APMAP: variants seen among roughly 807,000 people sequenced by gnomAD.
APMAP encodes the protein adipocyte plasma membrane associated protein.
APMAP carries 33 observed loss-of-function variants against 43.6 expected under a neutral mutation model. That is an observed-to-expected ratio of 0.76 (90% CI 0.57 to 1.01). The LOEUF is 1.01. Among genes scored for constraint, APMAP ranks in the 50% least tolerant of loss-of-function variants. The pLI is 0.00. For synonymous variants in APMAP, 224 were observed against 216.7 expected, an observed-to-expected ratio of 1.03 and a Z score of -0.30; for missense variants, 498 against 540.7, an observed-to-expected ratio of 0.92 and a Z score of 0.78.
At chr20:24,988,375 T>G (rs1421072753) in intron 1 of APMAP, among the ~76,000 whole-genome samples, 18 of 152,234 alleles carry the variant, frequency 1.2e-4, no homozygotes, top group Non-Finnish European at 2.5e-4. Context: ...TTTAAATACC[T>G]GGTTGCCCCT....
At chr20:24,982,833 C>CA (rs2088116782) in intron 2 of APMAP, among the ~76,000 whole-genome samples, 1 of 151,234 alleles carries the variant, frequency 6.6e-6, no homozygotes, top group Admixed American at 6.6e-5. Context: ...ATCAGGGGAC[C>CA]CCCCCCCGCC....
chr20:24,977,161 C>T (rs903992374), intron 3 of APMAP, among the ~76,000 whole-genome samples: 3 of 152,202 alleles, frequency 2.0e-5, no homozygotes, highest in Non-Finnish European at 2.9e-5. Context: ...TGAACCCTAC[C>T]GTAAACTACA....
At chr20:24,964,276 C>A in intron 8 of APMAP, 5 of 656,814 alleles carry the variant, frequency 7.6e-6, no homozygotes, top group South Asian at 6.0e-5. Context: ...GACAGCAACG[C>A]AAGCACATCT....
chr20:24,977,512 A>G lies in APMAP; in HGVS notation c.328+1255T>C, dbSNP rs2088060158. 2.6e-5 allele frequency among the ~76,000 whole-genome samples: 4 copies of G among 152,210 alleles called. No individual in the cohort carries two copies. The South Asian group carries it at 8.3e-4, about 31-fold the overall frequency. On this transcript the variant is annotated intron_variant, in intron 3 of 8. Transcript: ENST00000217456. ...CAACCTGCCAGCCAGCCCCCAGGAC[A>G]GCTTCCAAATGAGGTGGCAGAGACA...
intron 1 of APMAP, 68 bp downstream of exon 1, chr20:24,992,526 T>C (rs2088203027): frequency 1.6e-5 from 20 of 1,276,268 alleles, no homozygotes; most frequent in Non-Finnish European, 1.9e-5. Flanking sequence ...CCGTCGCCGC[T>C]GTCCAAGAGG....
Position 24,963,830 on chromosome 20 carries a change from T to C in APMAP, c.1234A>G (p.Ser412Gly). 1 of 1,614,162 alleles carries C rather than the reference T, an allele frequency of 6.2e-7. No individual in the cohort carries two copies. Among genetic ancestry groups the C allele is most frequent in the Non-Finnish European group, 8.5e-7 (1 of 1,180,026 alleles). Residue 412 changes from serine (S) to glycine (G), a missense_variant, in exon 9 of 9, where the codon AGC becomes GGC. Transcript: ENST00000217456. The part of the protein sequence containing the change: ...SFRSPFLCRL[S>G]LQAV ...TGGGAGGGCTAAACAGCCTGGAGGC[T>C]GAGTCTGCAGAGGAAGGGGGACCTG... is the stretch of plus-strand genomic sequence containing the variant.
chr20:24,976,485 C>T lies in APMAP; in HGVS notation c.328+2282G>A, dbSNP rs544247600. On this transcript the variant is annotated intron_variant, in intron 3 of 8. Transcript: ENST00000217456. Reference sequence around the variant, plus strand: ...ATCAGAGAAATGCAAATTAAAACAACGAGACACCACTATACACCTATTAAA... The same window carrying T: ...ATCAGAGAAATGCAAATTAAAACAATGAGACACCACTATACACCTATTAAA... Among the ~76,000 whole-genome samples, 15 of 152,156 alleles carry T rather than the reference C, an allele frequency of 9.9e-5. 1 individual carries two copies. The South Asian group carries it at 1.2e-3, about 13-fold the overall frequency.
intron 1 of APMAP, among the ~76,000 whole-genome samples, chr20:24,991,411 A>T (rs1214966038): frequency 6.6e-6 from 1 of 152,230 alleles, no homozygotes; most frequent in Non-Finnish European, 1.5e-5. Context: ...AGTCCAGGGC[A>T]ACGCAGGATG....
intron 8 of APMAP, among the ~76,000 whole-genome samples, chr20:24,968,451 C>T (rs1213623614): frequency 6.6e-6 from 1 of 152,132 alleles, no homozygotes; most frequent in African/African-American, 2.4e-5. Flanking sequence ...GTGGCCACAC[C>T]TGCAGGGAGG....
At chr20:24,971,912 T>G (rs1250732437) in intron 4 of APMAP, among the ~76,000 whole-genome samples, 1 of 144,282 alleles carries the variant, frequency 6.9e-6, no homozygotes, top group Non-Finnish European at 1.5e-5. Flanking sequence ...CAGGTGCTTA[T>G]TGCAGGGTGT....
At chr20:24,969,156 C>A in intron 7 of APMAP, 72 bp from the exon 8 acceptor site, 1 of 1,395,720 alleles carries the variant, frequency 7.2e-7, no homozygotes, top group Non-Finnish European at 9.7e-7. Flanking sequence ...AGCCAAGCAC[C>A]AAACTGGTCT....
intron 8 of APMAP, 110 bp downstream of exon 8, chr20:24,968,782 T>G: frequency 2.7e-6 from 3 of 1,102,026 alleles, no homozygotes; most frequent in Non-Finnish European, 3.8e-6. Flanking sequence ...TAAGTGTCAT[T>G]CAGAGCCAAA....
At chr20:24,968,571 C>T (rs1415106652) in intron 8 of APMAP, among the ~76,000 whole-genome samples, 3 of 151,856 alleles carry the variant, frequency 2.0e-5, no homozygotes, top group South Asian at 2.1e-4. Flanking sequence ...CTGACAGGCA[C>T]GCAGATGCCC....
rs1555845623 is a variant in APMAP at position 24,978,747 on chromosome 20, C to CT, written c.328+19_328+20insA. The CT allele has an allele frequency of 4.6e-6, 6 of 1,312,710 alleles. No homozygotes were observed. Among genetic ancestry groups the CT allele is most frequent in the Non-Finnish European group, 6.4e-6 (6 of 930,798 alleles). 81.3% of individuals were successfully genotyped at this position (1,312,710 alleles called of 1,614,324 possible). On this transcript the variant is annotated intron_variant, in intron 3 of 8. Transcript: ENST00000217456. Reference sequence around the variant, plus strand: ...ACAGACAGCCTGGAAGGCTCCCCCCCCACCCAAGCTTAGACTTACCCCCAA... The same window carrying CT: ...ACAGACAGCCTGGAAGGCTCCCCCCCTCACCCAAGCTTAGACTTACCCCCAA...
intron 2 of APMAP, among the ~76,000 whole-genome samples, chr20:24,983,383 G>A (rs1023872959): frequency 1.3e-5 from 2 of 152,204 alleles, no homozygotes; most frequent in African/African-American, 4.8e-5. Flanking sequence ...ACACTGATGA[G>A]AGCCTGGCTC....
chr20:24,968,768 T>A, intron 8 of APMAP, 124 bp downstream of exon 8: 1 of 921,610 alleles, frequency 1.1e-6, no homozygotes, highest in Non-Finnish European at 1.6e-6. Context: ...ATGAAATGTG[T>A]TTCTAAGTGT....
intron 8 of APMAP, among the ~76,000 whole-genome samples, chr20:24,968,016 T>A (rs1446014768): frequency 6.6e-6 from 1 of 152,232 alleles, no homozygotes; most frequent in Admixed American, 6.5e-5. Flanking sequence ...AACTGCTGCC[T>A]GTCAGCCCCA....
intron 3 of APMAP, among the ~76,000 whole-genome samples, chr20:24,976,718 C>T (rs2088052777): frequency 6.6e-6 from 1 of 152,204 alleles, no homozygotes; most frequent in African/African-American, 2.4e-5. Flanking sequence ...TAGGTCCACA[C>T]AAAAACCTGC....
intron 1 of APMAP, among the ~76,000 whole-genome samples, chr20:24,991,656 C>CA (rs1242565201): frequency 6.6e-6 from 1 of 152,170 alleles, no homozygotes; most frequent in African/African-American, 2.4e-5. Context: ...TACTGATGAA[C>CA]AAATATTTCC....
Sources: allele counts gnomAD v4.1 joint callset (sites outside exome capture counted in the v4.1 genomes callset), GRCh38; gene constraint gnomAD v4.1.1; transcripts MANE v1.5; gene names NCBI Gene and HGNC (gene_info 2026-07-23, HGNC 2026-07-21).